PTPRK: variants seen among roughly 807,000 people sequenced by gnomAD.
PTPRK encodes the protein receptor-type tyrosine-protein phosphatase kappa.
PTPRK carries 75 observed loss-of-function variants against 178.0 expected under a neutral mutation model. That is an observed-to-expected ratio of 0.42 (90% confidence interval 0.35 to 0.51). The LOEUF is 0.51. Among genes scored for constraint, PTPRK ranks in the 20% least tolerant of loss-of-function variants. The probability of loss-of-function intolerance (pLI) is 0.02; values close to 1 mark genes in which losing one functional copy is unlikely to be tolerated. For synonymous variants in PTPRK, 637 were observed against 620.6 expected (o/e 1.03, Z -0.39); for missense variants, 1,441 against 1,797.8 (o/e 0.80, Z 3.59).
intron 11 of PTPRK, among the ~76,000 whole-genome samples, chr6:128,077,419 C>T (rs1311435762): frequency 6.6e-6 from 1 of 151,958 alleles, no homozygotes; most frequent in Non-Finnish European, 1.5e-5. Context: ...TGATTTTTAG[C>T]CAGACAAGAC....
intron 7 of PTPRK, among the ~76,000 whole-genome samples, chr6:128,182,024 C>A (rs1424682394): frequency 6.6e-6 from 1 of 152,008 alleles, no homozygotes; most frequent in African/African-American, 2.4e-5. Context: ...TCTATAAGTA[C>A]TTCCCTCCCC....
intron 2 of PTPRK, among the ~76,000 whole-genome samples, chr6:128,389,051 C>A (rs945673600): frequency 6.6e-6 from 1 of 152,098 alleles, no homozygotes. Context: ...AAGCCAGCGT[C>A]TTTTTAATCA....
chr6:128,447,017 C>T (rs568913751), intron 1 of PTPRK, among the ~76,000 whole-genome samples: 1 of 152,222 alleles, frequency 6.6e-6, no homozygotes, highest in African/African-American at 2.4e-5. Context: ...AGGATGATCC[C>T]AGTTTCAAGT....
chr6:128,278,313 C>T (rs537424427), intron 3 of PTPRK, among the ~76,000 whole-genome samples: 17 of 151,952 alleles, frequency 1.1e-4, no homozygotes, highest in Non-Finnish European at 1.6e-4. Flanking sequence ...CACACCACCA[C>T]GCCCAGGTAA....
chr6:128,278,886 A>G (rs1324676613), intron 3 of PTPRK, among the ~76,000 whole-genome samples: 2 of 152,150 alleles, frequency 1.3e-5, no homozygotes, highest in African/African-American at 4.8e-5. Context: ...CAACCTCCTC[A>G]TTTCAGGTCA....
At chr6:128,268,752 A>G (rs1819342982) in intron 3 of PTPRK, among the ~76,000 whole-genome samples, 1 of 152,072 alleles carries the variant, frequency 6.6e-6, no homozygotes. Context: ...TATCTGGAGT[A>G]CTACGTCCCC....
At chr6:128,267,307 C>T (rs979755479) in intron 3 of PTPRK, among the ~76,000 whole-genome samples, 12 of 152,006 alleles carry the variant, frequency 7.9e-5, no homozygotes, top group African/African-American at 2.7e-4. Flanking sequence ...TATTTTATGT[C>T]CTCTCTTATT....
At chr6:128,100,627 T>G (rs1788626003) in intron 7 of PTPRK, among the ~76,000 whole-genome samples, 1 of 152,014 alleles carries the variant, frequency 6.6e-6, no homozygotes, top group Non-Finnish European at 1.5e-5. Flanking sequence ...CTATGAAATC[T>G]CTTTCAATAT....
At chr6:128,161,080 C>T (rs936020941) in intron 7 of PTPRK, among the ~76,000 whole-genome samples, 4 of 151,466 alleles carry the variant, frequency 2.6e-5, no homozygotes, top group Non-Finnish European at 4.4e-5. Context: ...CAAATAATTT[C>T]GGTTAAACAA....
chr6:128,007,221 G>A (rs919261026), intron 14 of PTPRK, among the ~76,000 whole-genome samples: 8 of 150,756 alleles, frequency 5.3e-5, no homozygotes, highest in Non-Finnish European at 1.2e-4. Context: ...ATGAGTAAAA[G>A]TCATTACAAA....
At chr6:128,231,300 C>T (rs186867891) in intron 5 of PTPRK, among the ~76,000 whole-genome samples, 2 of 152,222 alleles carry the variant, frequency 1.3e-5, no homozygotes, top group East Asian at 1.9e-4. Context: ...CTCTTAGCTA[C>T]GAAAGAGAAC....
At chr6:128,198,802 T>C (rs909304187) in intron 6 of PTPRK, among the ~76,000 whole-genome samples, 1 of 152,170 alleles carries the variant, frequency 6.6e-6, no homozygotes, top group Non-Finnish European at 1.5e-5. Flanking sequence ...GATTTACCTA[T>C]ATTTTTTGCC....
intron 13 of PTPRK, among the ~76,000 whole-genome samples, chr6:128,033,160 T>C (rs1402334497): frequency 6.6e-6 from 1 of 152,152 alleles, no homozygotes; most frequent in Admixed American, 6.5e-5. Context: ...ACTCCCTGAG[T>C]AATAACTTGG....
At chr6:128,407,141 G>A (rs1296090847) in intron 1 of PTPRK, among the ~76,000 whole-genome samples, 1 of 152,126 alleles carries the variant, frequency 6.6e-6, no homozygotes, top group Non-Finnish European at 1.5e-5. Flanking sequence ...TAAGTGCTGT[G>A]TACATTTAAG....
intron 2 of PTPRK, among the ~76,000 whole-genome samples, chr6:128,395,495 G>A (rs1840180417): frequency 6.6e-6 from 1 of 152,088 alleles, no homozygotes; most frequent in African/African-American, 2.4e-5. Flanking sequence ...ATTAGCAATG[G>A]TAACATTTCC....
intron 3 of PTPRK, among the ~76,000 whole-genome samples, chr6:128,256,649 G>T (rs897300912): frequency 2.0e-5 from 3 of 151,716 alleles, no homozygotes; most frequent in Non-Finnish European, 4.4e-5. Context: ...TGTTGGTCAG[G>T]ATGGTCTCGA....
At chr6:128,097,701 T>A (rs1262589903) in intron 7 of PTPRK, among the ~76,000 whole-genome samples, 2 of 152,176 alleles carry the variant, frequency 1.3e-5, no homozygotes, top group Non-Finnish European at 2.9e-5. Context: ...ATATTGCACA[T>A]CACATTCACA....
chr6:128,019,119 C>G (rs184122571), intron 13 of PTPRK, among the ~76,000 whole-genome samples: 197 of 152,218 alleles, frequency 1.3e-3, no homozygotes, highest in Non-Finnish European at 2.2e-3. Context: ...TAAAACATTT[C>G]TTAGAATCAT....
intron 1 of PTPRK, among the ~76,000 whole-genome samples, chr6:128,497,936 T>C (rs952688690): frequency 6.6e-6 from 1 of 152,156 alleles, no homozygotes; most frequent in African/African-American, 2.4e-5. Context: ...TTTTTAACAA[T>C]AAGTAGTTTT....
Sources: allele counts gnomAD v4.1 joint callset (sites outside exome capture counted in the v4.1 genomes callset), GRCh38; gene constraint gnomAD v4.1.1; transcripts MANE v1.5; gene names NCBI Gene and HGNC (gene_info 2026-07-23, HGNC 2026-07-21).